B4GALT7: variants seen among roughly 807,000 people sequenced by gnomAD.
B4GALT7 encodes the protein UDP-Gal:beta-GlcNAc beta-1,4-galactosyltransferase 7.
In B4GALT7, 30 loss-of-function variants were observed where a neutral mutation model predicts 33.0. The observed-to-expected ratio is 0.91, with a 90% CI of 0.68 to 1.23. The LOEUF is 1.23. Ranked by LOEUF, B4GALT7 falls within the 50% of genes most tolerant of loss-of-function variation. The pLI is 0.00. For missense variants in B4GALT7, 507 were observed against 450.8 expected (o/e 1.12, Z -1.13); for synonymous variants, 213 against 187.2 (o/e 1.14, Z -1.13).
intron 1 of B4GALT7, among the ~76,000 whole-genome samples, chr5:177,602,574 CAG>C (rs1378188584): frequency 1.3e-5 from 2 of 152,062 alleles, no homozygotes; most frequent in Admixed American, 6.6e-5. Flanking sequence ...GAAGGATCAA[CAG>C]GGGTCCTCAG....
In B4GALT7 at chr5:177,607,292, C is replaced by T. The variant is rs1260169528; in HGVS notation, c.414-10C>T. The T allele has an allele frequency of 6.3e-7, 1 of 1,597,356 alleles. No homozygotes were observed. Among genetic ancestry groups the T allele is most frequent in the South Asian group, 1.1e-5 (1 of 88,968 alleles). The stretch of plus-strand genomic sequence containing the variant: ...TGCTGCCCCTGCCCAGCCTTGCCCA[C>T]CCTGCACAGGTTCAACCGGGCAGCG... On this transcript the variant is annotated splice_polypyrimidine_tract_variant and intron_variant, in intron 2 of 5. Coordinates refer to ENST00000029410, the MANE Select transcript of B4GALT7 (RefSeq NM_007255.3).
At chr5:177,609,258 G>C (rs563642839) in intron 5 of B4GALT7, among the ~76,000 whole-genome samples, 1 of 152,288 alleles carries the variant, frequency 6.6e-6, no homozygotes, top group East Asian at 1.9e-4. Context: ...GGTGGCGGAG[G>C]CGTAGCTGAA....
Position 177,604,300 on chromosome 5 carries a change from G to A in B4GALT7, c.172G>A (p.Ala58Thr). The A allele has an allele frequency of 6.2e-7, 1 of 1,611,558 alleles. No individual in the cohort carries two copies. The highest frequency in any genetic ancestry group is 2.2e-5 in the East Asian group (1 of 44,764). ...WLQLSCSGDV[A>T]RAVRGQGQET... Reference sequence around the variant, plus strand: ...GCAGCTCAGCTGCTCTGGGGACGTGGCCCGGGCAGTCAGGGGACAAGGGCA... The same window carrying A: ...GCAGCTCAGCTGCTCTGGGGACGTGACCCGGGCAGTCAGGGGACAAGGGCA... The change falls in exon 2 of 6, where the codon GCC (alanine) becomes ACC (threonine). Residue 58 changes from alanine (A) to threonine (T), a missense_variant. By Grantham distance (58) the Ala-to-Thr change is moderately conservative. Coordinates refer to ENST00000029410, the MANE Select transcript of B4GALT7 (RefSeq NM_007255.3).
rs1767913517 is a variant in B4GALT7, at chr5:177,604,191, C to G, written c.63C>G (p.Leu21=). Residue 21 remains leucine (L), a synonymous_variant, in exon 2 of 6, where the codon CTC becomes CTG. Transcript: ENST00000029410. ...LPWEDGRSGL[L]SGGLPRKCSV... Reference sequence around the variant, plus strand: ...GCGCTTGCTCCAGGTCCGGGTTGCTCTCCGGCGGCCTCCCTCGGAAGTGTT... The same window carrying G: ...GCGCTTGCTCCAGGTCCGGGTTGCTGTCCGGCGGCCTCCCTCGGAAGTGTT... 6.2e-7 allele frequency: 1 copy of G among 1,613,592 alleles called. No individual in the cohort carries two copies. The highest frequency in any genetic ancestry group is 8.5e-7 in the Non-Finnish European group (1 of 1,179,944).
In B4GALT7 at chr5:177,607,545, T is replaced by C. The variant is rs1262871556; in HGVS notation, c.639+18T>C. 1.2e-6 allele frequency: 2 copies of C among 1,604,456 alleles called. No individual in the cohort carries two copies. The highest frequency in any genetic ancestry group is 1.3e-5 in the African/African-American group (1 of 74,856). On this transcript the variant is annotated intron_variant, in intron 3 of 5. Transcript: ENST00000029410. ...ACCGGCTGGTGAGGCCCGGACAGCCTGCTCTGCTCAGAGCCGGGAGCTCCC... is the reference window on the plus strand; with the variant it reads ...ACCGGCTGGTGAGGCCCGGACAGCCCGCTCTGCTCAGAGCCGGGAGCTCCC...
chr5:177,608,682 C>G lies in B4GALT7; in HGVS notation c.723+60C>G. ...GCGGTGGCTGCCCTGAGATTTTCTTCTGTTTCCTCAGATGAAGCTCCTGGG... is the reference window on the plus strand; with the variant it reads ...GCGGTGGCTGCCCTGAGATTTTCTTGTGTTTCCTCAGATGAAGCTCCTGGG... On this transcript the variant is annotated intron_variant, in intron 4 of 5. Coordinates refer to ENST00000029410, the MANE Select transcript of B4GALT7 (RefSeq NM_007255.3). This position sits in a 1 kb window ranked among gnomAD's most constrained non-coding sequence, Gnocchi z 4.1. 2 of 1,514,720 alleles carry G rather than the reference C, an allele frequency of 1.3e-6. No homozygotes were observed. Among genetic ancestry groups the G allele is most frequent in the Non-Finnish European group, 1.8e-6 (2 of 1,096,952 alleles). The allele number at this position is 1,514,720 out of a possible 1,614,324, so 93.8% of individuals were successfully genotyped here.
intron 1 of B4GALT7, chr5:177,601,291 T>G (rs985981220): frequency 6.6e-6 from 1 of 152,226 alleles, no homozygotes; most frequent in Non-Finnish European, 1.5e-5. Flanking sequence ...ACCGCAGCCT[T>G]TCCGTCACTG....
Position 177,608,851 on chromosome 5 carries a change from G to A in B4GALT7, c.724-59G>A, listed in dbSNP as rs1398218641. The A allele has an allele frequency of 5.5e-6, 8 of 1,454,466 alleles. No homozygotes were observed. The highest frequency in any genetic ancestry group is 7.7e-6 in the Non-Finnish European group (8 of 1,038,214). The allele number at this position is 1,454,466 out of a possible 1,614,324, so 90.1% of individuals were successfully genotyped here. A position where few individuals can be genotyped will look rare whatever the true frequency, so the allele number is the denominator to read the frequency against. On this transcript the variant is annotated intron_variant, in intron 4 of 5. Transcript: ENST00000029410. The surrounding 1 kb of genome is among the most constrained non-coding windows in gnomAD (Gnocchi z 4.1). ...TTCCTGTGGGACCTCGGGAGCTGGT[G>A]GTGAGGGCTGGGGCTCCAGGAAGGG...
Position 177,609,541 on chromosome 5 carries a change from A to T in B4GALT7, c.830A>T (p.Glu277Val), listed in dbSNP as rs1180026816. 1.9e-6 allele frequency: 3 copies of T among 1,613,136 alleles called. No homozygotes were observed. In the South Asian group the frequency reaches 3.3e-5, roughly 18 times the overall value. The change falls in exon 6 of 6, where the codon GAG becomes GTG. Residue 277 changes from glutamate to valine, a missense_variant and splice_region_variant. Transcript: ENST00000029410. ...GCTCTTTCCTCTCTTCCTCCCCAGG[A>T]GCAGTTCAAGGTGGACAGGGAGGGA... ...DQKRIAAQKQ[E>V]QFKVDREGGL...
intron 1 of B4GALT7, chr5:177,603,218 G>T: frequency 1.0e-6 from 1 of 985,392 alleles, no homozygotes; most frequent in Non-Finnish European, 1.2e-6. Flanking sequence ...GCTAATCGCT[G>T]ACTCTTAAGA....
rs1309659292 is a variant in B4GALT7 at position 177,604,296 on chromosome 5, C to T, written c.168C>T (p.Asp56=). The change falls in exon 2 of 6, where the codon GAC becomes GAT. Residue 56 remains aspartate, a synonymous_variant. Transcript: ENST00000029410. ...GGCTGCAGCTCAGCTGCTCTGGGGA[C>T]GTGGCCCGGGCAGTCAGGGGACAAG... ...LLWLQLSCSG[D]VARAVRGQGQ... 4 of 1,611,810 alleles carry T rather than the reference C, an allele frequency of 2.5e-6. No homozygotes were observed. Among genetic ancestry groups the T allele is most frequent in the African/African-American group, 1.3e-5 (1 of 74,846 alleles).
rs773857616 is a variant in B4GALT7 at position 177,607,343 on chromosome 5, G to C, written c.455G>C (p.Ser152Thr). Residue 152 changes from serine to threonine, a missense_variant, in exon 3 of 6, where the codon AGC (serine) becomes ACC (threonine). Coordinates refer to ENST00000029410, the MANE Select transcript of B4GALT7 (RefSeq NM_007255.3). ...CTCATCAACGTGGGCTTCCTGGAGAGCAGCAACAGCACGGACTACATTGCC... is the reference window on the plus strand; with the variant it reads ...CTCATCAACGTGGGCTTCCTGGAGACCAGCAACAGCACGGACTACATTGCC... Reference protein sequence around the residue: ...AALINVGFLESSNSTDYIAMH... With the variant: ...AALINVGFLETSNSTDYIAMH... 3 of 1,613,698 alleles carry C rather than the reference G, an allele frequency of 1.9e-6. No individual in the cohort carries two copies. The highest frequency in any genetic ancestry group is 1.1e-5 in the South Asian group (1 of 91,000).
chr5:177,600,228 GA>G lies in B4GALT7; in HGVS notation c.21del (p.Ala8ArgfsTer112). MFPSRR[K>X]AAQLPWEDGR... ...TCCGCACGATGTTCCCCTCGCGGAGGAAAGCGGCGCAGCTGCCCTGGGAGGA... is the reference window on the plus strand; with the variant it reads ...TCCGCACGATGTTCCCCTCGCGGAGGAAGCGGCGCAGCTGCCCTGGGAGGA... On this transcript the variant is annotated frameshift_variant, in exon 1 of 6. Transcript: ENST00000029410. LOFTEE classifies it high-confidence loss of function. The surrounding 1 kb of genome is among the most constrained non-coding windows in gnomAD (Gnocchi z 4.4). The G allele has an allele frequency of 7.2e-7, 1 of 1,395,038 alleles. No homozygotes were observed. The highest frequency in any genetic ancestry group is 3.1e-5 in the East Asian group (1 of 32,718). 86.4% of individuals were successfully genotyped at this position (1,395,038 alleles called of 1,614,324 possible). A position where few individuals can be genotyped will look rare whatever the true frequency, so the allele number is the denominator to read the frequency against.
intron 1 of B4GALT7, chr5:177,603,286 G>A (rs1163426868): frequency 3.0e-6 from 3 of 985,216 alleles, no homozygotes; most frequent in Non-Finnish European, 3.6e-6. Flanking sequence ...GAGTACAGAG[G>A]AAGCTTCTCC....
chr5:177,608,490 C>T lies in B4GALT7; in HGVS notation c.640-49C>T, dbSNP rs776824378. 1.7e-5 allele frequency: 22 copies of T among 1,264,168 alleles called. No individual in the cohort carries two copies. The highest frequency in any genetic ancestry group is 2.8e-5 in the Admixed American group (1 of 35,688). The allele number at this position is 1,264,168 out of a possible 1,614,324, so 78.3% of individuals were successfully genotyped here. The stretch of plus-strand genomic sequence containing the variant: ...CCCGAGCGGTAGGAGACCAAAGGCC[C>T]CCCCCCCCGGGAAGATGGGCCGAGT... On this transcript the variant is annotated intron_variant, in intron 3 of 5. Coordinates refer to ENST00000029410, the MANE Select transcript of B4GALT7 (RefSeq NM_007255.3). The surrounding 1 kb of genome is among the most constrained non-coding windows in gnomAD (Gnocchi z 4.1).
In B4GALT7 at chr5:177,607,372, C is replaced by T. The variant is rs375801425; in HGVS notation, c.484C>T (p.His162Tyr). The T allele has an allele frequency of 1.2e-6, 2 of 1,614,108 alleles. No individual in the cohort carries two copies. The highest frequency in any genetic ancestry group is 1.7e-5 in the Admixed American group (1 of 60,020). Residue 162 changes from histidine (H) to tyrosine (Y), a missense_variant, in exon 3 of 6, where the codon CAC (histidine) becomes TAC (tyrosine). Coordinates refer to ENST00000029410, the MANE Select transcript of B4GALT7 (RefSeq NM_007255.3). ...SSNSTDYIAM[H>Y]DVDLLPLNEE... ...CAACAGCACGGACTACATTGCCATGCACGACGTTGACCTGCTCCCTCTCAA... is the reference window on the plus strand; with the variant it reads ...CAACAGCACGGACTACATTGCCATGTACGACGTTGACCTGCTCCCTCTCAA...
rs121917818 is a variant in B4GALT7 at position 177,607,505 on chromosome 5, T to C, written c.617T>C (p.Leu206Pro). The C allele has an allele frequency of 1.9e-6, 3 of 1,612,702 alleles. No individual in the cohort carries two copies. The highest frequency in any genetic ancestry group is 2.5e-6 in the Non-Finnish European group (3 of 1,180,018). ...YKTYVGGILL[L>P]SKQHYRLCNG... is the part of the protein sequence containing the mutation. ...ACCTATGTCGGCGGCATCCTGCTGC[T>C]CTCCAAGCAGCACTACCGGCTGGTG... The change falls in exon 3 of 6, where the codon CTC (leucine) becomes CCC (proline). Residue 206 changes from leucine to proline, a missense_variant. Physicochemically the swap from Leu to Pro is moderately conservative, Grantham distance 98. Coordinates refer to ENST00000029410, the MANE Select transcript of B4GALT7 (RefSeq NM_007255.3).
rs906113675 is a variant in B4GALT7, at chr5:177,608,173, A to G, written c.640-366A>G. On this transcript the variant is annotated intron_variant, in intron 3 of 5. Coordinates refer to ENST00000029410, the MANE Select transcript of B4GALT7 (RefSeq NM_007255.3). This position sits in a 1 kb window ranked among gnomAD's most constrained non-coding sequence, Gnocchi z 4.1. The stretch of plus-strand genomic sequence containing the variant: ...TGGGTGTCTGTCATGGAACCCTGCT[A>G]CCCCTCTCACACACACAGGAAGAGA... The G allele has an allele frequency of 2.0e-5, 6 of 300,014 alleles. No homozygotes were observed. Among genetic ancestry groups the G allele is most frequent in the Admixed American group, 1.9e-4 (4 of 20,974 alleles). The allele number at this position is 300,014 out of a possible 1,614,324, so 18.6% of individuals were successfully genotyped here.
In B4GALT7 at chr5:177,604,168, G is replaced by T. The variant is rs763444666; in HGVS notation, c.51-11G>T. 1.7e-5 allele frequency: 28 copies of T among 1,613,182 alleles called. No individual in the cohort carries two copies. The highest frequency in any genetic ancestry group is 2.2e-5 in the Non-Finnish European group (26 of 1,179,934). On this transcript the variant is annotated splice_polypyrimidine_tract_variant and intron_variant, in intron 1 of 5. Coordinates refer to ENST00000029410, the MANE Select transcript of B4GALT7 (RefSeq NM_007255.3). ...CCCCGCCCTCCTGACCCTGTCCCGCGCTTGCTCCAGGTCCGGGTTGCTCTC... is the reference window on the plus strand; with the variant it reads ...CCCCGCCCTCCTGACCCTGTCCCGCTCTTGCTCCAGGTCCGGGTTGCTCTC...
Sources: gnomAD v4.1 joint callset for allele counts (sites outside exome capture counted in the v4.1 genomes callset) on GRCh38, gnomAD v4.1.1 for gene constraint, Gnocchi (gnomAD v3.1) non-coding constraint, MANE v1.5 for transcripts, NCBI Gene and HGNC (gene_info 2026-07-23, HGNC 2026-07-21) for gene names.